PARL: variants seen among roughly 807,000 people sequenced by gnomAD.
PARL encodes the protein presenilin-associated rhomboid-like protein, mitochondrial.
Under a neutral mutation model 51.6 loss-of-function variants are expected in PARL, and 44 were observed. The observed-to-expected ratio is 0.85, with a 90% CI of 0.67 to 1.10. PARL has a LOEUF of 1.10. Among genes scored for constraint, PARL ranks in the 50% least tolerant of loss-of-function variants. The pLI, the probability that PARL is intolerant of heterozygous loss-of-function variation, is 0.00. For missense variants in PARL, 441 were observed against 469.5 expected (o/e 0.94, Z 0.56); for synonymous variants, 172 against 164.0 (o/e 1.05, Z -0.37).
rs748977455 is a variant in PARL at position 183,884,837 on chromosome 3, G to A, written c.10C>T (p.Arg4Ter). MAW[R>*]GWAQRGWGCG... ...CCCCAGCCTCTCTGCGCCCAGCCTC[G>A]CCACGCCATCTTCCCAACCTCTGCC... Residue 4 changes from arginine to a stop codon, truncating the protein, a stop_gained, in exon 1 of 10, where the codon CGA (arginine) becomes TGA (stop). Coordinates refer to ENST00000317096, the MANE Select transcript of PARL (RefSeq NM_018622.7). LOFTEE classifies it high-confidence loss of function. 2 of 1,597,120 alleles carry A rather than the reference G, an allele frequency of 1.3e-6. No individual in the cohort carries two copies. The highest frequency in any genetic ancestry group is 1.1e-5 in the South Asian group (1 of 90,768).
At chr3:183,857,892 T>C (rs1731349071) in intron 4 of PARL, among the ~76,000 whole-genome samples, 2 of 152,154 alleles carry the variant, frequency 1.3e-5, no homozygotes, top group Non-Finnish European at 2.9e-5. Context: ...GGTTTGCTAT[T>C]CTAGAAAAGT....
intron 7 of PARL, among the ~76,000 whole-genome samples, chr3:183,835,684 T>C (rs34008155): frequency 0.2 from 30,245 of 151,674 alleles, 3,199 homozygotes; most frequent in African/African-American, 0.26. Flanking sequence ...CTAGCCAACA[T>C]AGTGAAACCC....
At chr3:183,838,879 T>G (rs1376121825) in intron 7 of PARL, among the ~76,000 whole-genome samples, 1 of 152,204 alleles carries the variant, frequency 6.6e-6, no homozygotes, top group Non-Finnish European at 1.5e-5. Context: ...TCTTCACTCT[T>G]AGAGCCCCCA....
intron 1 of PARL, among the ~76,000 whole-genome samples, chr3:183,881,311 G>A (rs1734411159): frequency 1.3e-5 from 2 of 151,596 alleles, no homozygotes; most frequent in East Asian, 1.9e-4. Context: ...TAGTAGAGAC[G>A]GGTTTTCACC....
At chr3:183,852,278 T>G (rs1352878146) in intron 4 of PARL, among the ~76,000 whole-genome samples, 1 of 152,158 alleles carries the variant, frequency 6.6e-6, no homozygotes, top group Non-Finnish European at 1.5e-5. Context: ...GAAGAATGGA[T>G]AACCAAAATG....
intron 5 of PARL, 81 bp from the exon 6 acceptor site, chr3:183,842,528 G>A (rs1033547591): frequency 8.4e-5 from 117 of 1,386,942 alleles, no homozygotes; most frequent in Non-Finnish European, 1.2e-4. Flanking sequence ...TTTAAAATTA[G>A]GCCGGACGCA....
chr3:183,874,990 T>G (rs1269565554), intron 1 of PARL, among the ~76,000 whole-genome samples: 1 of 152,200 alleles, frequency 6.6e-6, no homozygotes, highest in Non-Finnish European at 1.5e-5. Context: ...GAAGATCACT[T>G]GAGCCCAGGA....
chr3:183,884,865 A>C lies in PARL; in HGVS notation c.-19T>G. ...ACGCCATCTTCCCAACCTCTGCCCC[A>C]CCATGGCCCGACCTTACCAACCCCA... On this transcript the variant is annotated 5_prime_UTR_variant, in exon 1 of 10. Transcript: ENST00000317096. 1.9e-6 allele frequency: 3 copies of C among 1,596,476 alleles called. No homozygotes were observed. The highest frequency in any genetic ancestry group is 2.5e-6 in the Non-Finnish European group (3 of 1,179,300).
At chr3:183,876,932 C>T (rs1409399921) in intron 1 of PARL, among the ~76,000 whole-genome samples, 1 of 152,184 alleles carries the variant, frequency 6.6e-6, no homozygotes, top group Non-Finnish European at 1.5e-5. Flanking sequence ...GAACTAGAGG[C>T]TGGGTGCAGT....
intron 3 of PARL, among the ~76,000 whole-genome samples, chr3:183,864,504 C>T (rs536160725): frequency 6.6e-6 from 1 of 152,112 alleles, no homozygotes; most frequent in Non-Finnish European, 1.5e-5. Flanking sequence ...TGGCTGGGCT[C>T]GGTGGCTCAT....
At chr3:183,864,494 T>C (rs1732209521) in intron 3 of PARL, among the ~76,000 whole-genome samples, 1 of 152,108 alleles carries the variant, frequency 6.6e-6, no homozygotes, top group Admixed American at 6.5e-5. Context: ...AATAAAATAT[T>C]GGCTGGGCTC....
At chr3:183,845,994 A>G (rs1729903254) in intron 4 of PARL, among the ~76,000 whole-genome samples, 1 of 152,138 alleles carries the variant, frequency 6.6e-6, no homozygotes, top group South Asian at 2.1e-4. Context: ...AAAGAGAGCA[A>G]GATGGGGTCC....
At chr3:183,850,365 G>T (rs1730413146) in intron 4 of PARL, among the ~76,000 whole-genome samples, 1 of 152,036 alleles carries the variant, frequency 6.6e-6, no homozygotes, top group South Asian at 2.1e-4. Flanking sequence ...CATCTCTTTG[G>T]TCTTGTTTTC....
At chr3:183,826,707 C>A (rs149990913), downstream of PARL, 7 of 985,312 alleles carry the variant, frequency 7.1e-6, no homozygotes, top group Non-Finnish European at 8.4e-6. Context: ...AGGCAGCAGG[C>A]GAGGCGCCAG....
At chr3:183,877,783 G>A (rs1734011810) in intron 1 of PARL, among the ~76,000 whole-genome samples, 1 of 149,068 alleles carries the variant, frequency 6.7e-6, no homozygotes, top group Non-Finnish European at 1.5e-5. Context: ...AAATGCACTG[G>A]CTTAAAACCA....
At chr3:183,867,316 G>A (rs942405779) in intron 2 of PARL, among the ~76,000 whole-genome samples, 16 of 152,056 alleles carry the variant, frequency 1.1e-4, no homozygotes, top group South Asian at 2.1e-4. Flanking sequence ...ACTTAGCACC[G>A]CTTGAAATGC....
intron 1 of PARL, among the ~76,000 whole-genome samples, chr3:183,870,107 C>T (rs1437379093): frequency 1.3e-5 from 2 of 149,120 alleles, no homozygotes; most frequent in African/African-American, 5.0e-5. Flanking sequence ...GAAACCTCGT[C>T]TCCACTAAAA....
intron 4 of PARL, among the ~76,000 whole-genome samples, chr3:183,847,061 T>C (rs1485115993): frequency 2.0e-5 from 3 of 152,212 alleles, no homozygotes; most frequent in Non-Finnish European, 2.9e-5. Context: ...AAACAGCATA[T>C]GCTGGTCCCC....
At chr3:183,855,533 G>A (rs1731051463) in intron 4 of PARL, among the ~76,000 whole-genome samples, 1 of 151,942 alleles carries the variant, frequency 6.6e-6, no homozygotes, top group African/African-American at 2.4e-5. Context: ...AGGGGTGGGG[G>A]GATGGTTTCA....
Sources: gnomAD v4.1 joint callset for allele counts (sites outside exome capture counted in the v4.1 genomes callset) on GRCh38, gnomAD v4.1.1 for gene constraint, MANE v1.5 for transcripts, NCBI Gene and HGNC (gene_info 2026-07-23, HGNC 2026-07-21) for gene names.